Variants in PCNX2 observed in about 807,000 individuals in gnomAD.
PCNX2 encodes the protein pecanex-like protein 2.
A neutral mutation model predicts 223.8 loss-of-function variants in PCNX2; 168 were observed. The observed-to-expected ratio is 0.75, with a 90% CI of 0.66 to 0.85. PCNX2 has a LOEUF of 0.85. Among genes scored for constraint, PCNX2 ranks in the 40% least tolerant of loss-of-function variants. The pLI, the probability that PCNX2 is intolerant of heterozygous loss-of-function variation, is 0.00. For missense variants in PCNX2, 2,507 were observed against 2,675.5 expected, an observed-to-expected ratio of 0.94 and a Z score of 1.39; for synonymous variants, 1,006 against 1,052.6, an observed-to-expected ratio of 0.96 and a Z score of 0.86.
At chr1:233,288,438 C>T (rs1199151347) in intron 1 of PCNX2, among the ~76,000 whole-genome samples, 2 of 152,042 alleles carry the variant, frequency 1.3e-5, no homozygotes, top group Non-Finnish European at 2.9e-5. Context: ...TTGTCATGAA[C>T]TTGTAATACC....
chr1:233,320,707 T>G, the PCNX2 span, among the ~76,000 whole-genome samples: 4 of 152,234 alleles, frequency 2.6e-5, no homozygotes, highest in Non-Finnish European at 5.9e-5. Context: ...TTTTGCATAC[T>G]TTGGAGATAC....
At chr1:233,153,143 C>T (rs554797143) in intron 19 of PCNX2, among the ~76,000 whole-genome samples, 38 of 152,310 alleles carry the variant, frequency 2.5e-4, no homozygotes, top group South Asian at 2.3e-3. Context: ...AATGGAATAA[C>T]GCTTACACCC....
intron 23 of PCNX2, among the ~76,000 whole-genome samples, chr1:233,058,933 G>A (rs1188099605): frequency 6.6e-6 from 1 of 152,062 alleles, no homozygotes; most frequent in Non-Finnish European, 1.5e-5. Flanking sequence ...AAAGTGCTGG[G>A]ATTACAGGTG....
chr1:233,182,277 A>G (rs1053420533), intron 15 of PCNX2, among the ~76,000 whole-genome samples: 3 of 152,168 alleles, frequency 2.0e-5, no homozygotes, highest in Non-Finnish European at 4.4e-5. Context: ...CACCGTCTCA[A>G]CAGTCTCCTG....
chr1:233,108,297 AC>A (rs1280988204), intron 21 of PCNX2, among the ~76,000 whole-genome samples: 1 of 152,162 alleles, frequency 6.6e-6, no homozygotes, highest in African/African-American at 2.4e-5. Flanking sequence ...CCTTTCCTGT[AC>A]CACACCTAGT....
chr1:233,265,991 T>A (rs1428644011), intron 1 of PCNX2, among the ~76,000 whole-genome samples: 1 of 152,218 alleles, frequency 6.6e-6, no homozygotes, highest in South Asian at 2.1e-4. Flanking sequence ...GAAGTTACCA[T>A]GAGTACTAGC....
At position 233,149,338 on chromosome 1, in the gene PCNX2, A is replaced by G. The variant is rs1166665965; in HGVS notation, c.3518-9483T>C. On this transcript the variant is annotated intron_variant, in intron 19 of 33. Coordinates refer to ENST00000258229, the MANE Select transcript of PCNX2 (RefSeq NM_014801.4). ...TTCTTCTCCATAATTAAAAGTTAATAAAAATCCTCAGGATGTTTTCAGCTT... is the reference window on the plus strand; with the variant it reads ...TTCTTCTCCATAATTAAAAGTTAATGAAAATCCTCAGGATGTTTTCAGCTT... Among the ~76,000 whole-genome samples the G allele has an allele frequency of 2.6e-5, 4 of 152,238 alleles. No homozygotes were observed. In the East Asian group the frequency reaches 7.7e-4, roughly 29 times the overall value.
At position 233,258,497 on chromosome 1, in the gene PCNX2, T is replaced by C; in HGVS notation, c.1365A>G (p.Pro455=). 1.2e-6 allele frequency: 2 copies of C among 1,614,038 alleles called. No homozygotes were observed. The highest frequency in any genetic ancestry group is 1.7e-6 in the Non-Finnish European group (2 of 1,179,900). The change falls in exon 5 of 34, where the codon CCA becomes CCG. Residue 455 remains proline, a synonymous_variant. Transcript: ENST00000258229. ...CPEGNGSERT[P]ERLKTRVSTN... ...TGGATACCCTCGTCTTCAGTCTCTC[T>C]GGAGTCCTTTCACTTCCATTGCCTT...
chr1:233,044,690 C>T (rs566203743), intron 25 of PCNX2, among the ~76,000 whole-genome samples: 105 of 150,034 alleles, frequency 7.0e-4, no homozygotes, highest in East Asian at 2.0e-3. Flanking sequence ...TTTTTTGAGA[C>T]GGAGTTTCAC....
chr1:233,254,503 C>T (rs960932181), intron 5 of PCNX2, among the ~76,000 whole-genome samples: 9 of 152,078 alleles, frequency 5.9e-5, no homozygotes, highest in South Asian at 2.1e-4. Flanking sequence ...AACATATGGA[C>T]GGTTTTTTTC....
chr1:233,181,243 A>G (rs1358325407), intron 15 of PCNX2: 2 of 138,194 alleles, frequency 1.4e-5, no homozygotes, highest in African/African-American at 5.5e-5. Flanking sequence ...TCTATCACCC[A>G]GGCTAGAGTG....
chr1:233,076,517 C>T (rs897657647), intron 23 of PCNX2, among the ~76,000 whole-genome samples: 1 of 152,120 alleles, frequency 6.6e-6, no homozygotes, highest in African/African-American at 2.4e-5. Context: ...CCATTATACC[C>T]GGTGCAGTTT....
chr1:233,168,655 T>C (rs571548047), intron 17 of PCNX2, among the ~76,000 whole-genome samples: 20 of 152,262 alleles, frequency 1.3e-4, no homozygotes, highest in African/African-American at 4.8e-4. Context: ...TGATGAATTA[T>C]GCTGAAATCA....
intron 15 of PCNX2, among the ~76,000 whole-genome samples, chr1:233,183,704 CAG>C (rs1307250174): frequency 6.6e-6 from 1 of 152,118 alleles, no homozygotes; most frequent in African/African-American, 2.4e-5. Flanking sequence ...ATGAACAGGA[CAG>C]AGAGAGTCTT....
At chr1:233,148,742 A>AAAT (rs1414028255) in intron 19 of PCNX2, among the ~76,000 whole-genome samples, 1 of 152,152 alleles carries the variant, frequency 6.6e-6, no homozygotes, top group East Asian at 1.9e-4. Flanking sequence ...GAATCCTCCT[A>AAAT]CCAATCTCAG....
the PCNX2 span, among the ~76,000 whole-genome samples, chr1:233,325,522 A>AC: frequency 1.3e-5 from 2 of 151,074 alleles, no homozygotes; most frequent in African/African-American, 4.9e-5. Flanking sequence ...AAAAACCAAA[A>AC]AAAATTAGCT....
chr1:233,192,136 C>T (rs770701020), intron 15 of PCNX2, among the ~76,000 whole-genome samples: 3 of 152,182 alleles, frequency 2.0e-5, no homozygotes, highest in Admixed American at 6.5e-5. Context: ...AATTCCCTAA[C>T]AGAAACCAGT....
intron 1 of PCNX2, among the ~76,000 whole-genome samples, chr1:233,264,407 A>C (rs1191198315): frequency 2.0e-5 from 3 of 152,208 alleles, no homozygotes; most frequent in Non-Finnish European, 4.4e-5. Context: ...TGCAGACAGC[A>C]GGGCCCAGTC....
intron 25 of PCNX2, among the ~76,000 whole-genome samples, chr1:233,052,832 C>T (rs150597942): frequency 4.9e-4 from 74 of 152,148 alleles, no homozygotes; most frequent in African/African-American, 1.7e-3. Flanking sequence ...TCCTTCCAGG[C>T]TTCCCTGTTT....
Sources: allele counts gnomAD v4.1 joint callset (sites outside exome capture counted in the v4.1 genomes callset), GRCh38; gene constraint gnomAD v4.1.1; transcripts MANE v1.5; gene names NCBI Gene and HGNC (gene_info 2026-07-23, HGNC 2026-07-21).